The following WDR75 variants were observed in gnomAD, a reference collection of about 807,000 sequenced individuals.
WDR75 encodes the protein WD repeat-containing protein 75.
A neutral mutation model predicts 106.1 loss-of-function variants in WDR75; 52 were observed. The ratio of observed to expected loss-of-function variants is 0.49; its 90% CI spans 0.39 to 0.62. The LOEUF is 0.62. Ranked by LOEUF, WDR75 falls within the 20% of genes least tolerant of loss-of-function variation. The probability of loss-of-function intolerance (pLI) is 0.00; values close to 1 mark genes in which losing one functional copy is unlikely to be tolerated. For missense variants in WDR75, 905 were observed against 970.3 expected (o/e 0.93, Z 0.89); for synonymous variants, 333 against 335.5 (o/e 0.99, Z 0.08).
intron 12 of WDR75, among the ~76,000 whole-genome samples, chr2:189,466,218 A>G (rs1227236389): frequency 6.6e-6 from 1 of 152,106 alleles, no homozygotes; most frequent in African/African-American, 2.4e-5. Flanking sequence ...ATGTTCTCTA[A>G]AGTCACACAA....
intron 11 of WDR75, among the ~76,000 whole-genome samples, chr2:189,464,476 T>G (rs1403808255): frequency 6.6e-6 from 1 of 151,542 alleles, no homozygotes; most frequent in East Asian, 1.9e-4. Context: ...TTTCTCACCG[T>G]GGCCTTTAGA....
At chr2:189,465,919 A>T (rs1686989087) in intron 12 of WDR75, among the ~76,000 whole-genome samples, 1 of 152,146 alleles carries the variant, frequency 6.6e-6, no homozygotes, top group South Asian at 2.1e-4. Flanking sequence ...TTTCATTCAC[A>T]GCGTTGCCCT....
At chr2:189,468,367 C>T in intron 14 of WDR75, 108 bp from the exon 15 acceptor site, 1 of 899,480 alleles carries the variant, frequency 1.1e-6, no homozygotes, top group Non-Finnish European at 1.7e-6. Flanking sequence ...ATATATATGT[C>T]TATATAAAAA....
At chr2:189,447,013 C>G (rs1404558907) in intron 1 of WDR75, among the ~76,000 whole-genome samples, 1 of 152,148 alleles carries the variant, frequency 6.6e-6, no homozygotes, top group Non-Finnish European at 1.5e-5. Context: ...AGGAATGATT[C>G]ATGTCTCAGG....
rs374057577 is a variant in WDR75, at chr2:189,461,065, T to G, written c.779-1419T>G. 9.5e-4 allele frequency among the ~76,000 whole-genome samples: 145 copies of G among 152,338 alleles called. 2 individuals are homozygous for G. Among genetic ancestry groups the G allele is most frequent in the African/African-American group, 3.2e-3 (131 of 41,566 alleles). On this transcript the variant is annotated intron_variant, in intron 8 of 20. Transcript: ENST00000314761. ...TATATATCAGATTAAACTTCTTAAT[T>G]TTGTTTGTGTACATCACAACTACAT...
intron 10 of WDR75, 32 bp downstream of exon 10, chr2:189,463,785 G>C: frequency 6.2e-7 from 1 of 1,613,592 alleles, no homozygotes; most frequent in East Asian, 2.2e-5. Flanking sequence ...TTGGAATCAT[G>C]AACATTTTAA....
At chr2:189,446,600 A>G (rs892014387) in intron 1 of WDR75, among the ~76,000 whole-genome samples, 1 of 152,226 alleles carries the variant, frequency 6.6e-6, no homozygotes, top group Non-Finnish European at 1.5e-5. Flanking sequence ...TCTTGAACTA[A>G]TAAAATAGGA....
intron 6 of WDR75, among the ~76,000 whole-genome samples, chr2:189,458,477 T>C (rs1409448087): frequency 1.3e-5 from 2 of 152,192 alleles, no homozygotes; most frequent in African/African-American, 4.8e-5. Context: ...ATCACTAAAA[T>C]CTTTACTTAA....
chr2:189,446,146 G>A (rs1686495423), intron 1 of WDR75, among the ~76,000 whole-genome samples: 1 of 152,208 alleles, frequency 6.6e-6, no homozygotes, highest in Non-Finnish European at 1.5e-5. Flanking sequence ...TTTTAATAGA[G>A]CACAGTGTTA....
chr2:189,445,652 T>A (rs1456823535), intron 1 of WDR75, among the ~76,000 whole-genome samples: 1 of 152,170 alleles, frequency 6.6e-6, no homozygotes, highest in Non-Finnish European at 1.5e-5. Flanking sequence ...TCCAAATAAA[T>A]TATGTAGTCA....
At chr2:189,448,670 A>G (rs6738193) in intron 2 of WDR75, 162 bp downstream of exon 2, 722,163 of 835,436 alleles carry the variant, frequency 0.86, 315,920 homozygotes, top group Non-Finnish European at 0.91. Context: ...TGCCTATAGC[A>G]TATTCTGTGA....
Position 189,470,148 on chromosome 2 carries a change from G to A in WDR75, c.1892G>A (p.Trp631Ter), listed in dbSNP as rs1422435402. Residue 631 changes from tryptophan (W) to a stop codon, truncating the protein, a stop_gained, in exon 17 of 21, where the codon TGG becomes TAG. Coordinates refer to ENST00000314761, the MANE Select transcript of WDR75 (RefSeq NM_032168.3). LOFTEE classifies it high-confidence loss of function. The stretch of plus-strand genomic sequence containing the variant: ...GGTATCTCCAGAGAGAAAGTCCAGT[G>A]GGGAGTGTTTGTTCCACGAGATGTC... Reference protein sequence around the residue: ...QKGISREKVQWGVFVPRDVPE... With the variant: ...QKGISREKVQ 1.2e-6 allele frequency: 2 copies of A among 1,613,498 alleles called. No individual in the cohort carries two copies. Among genetic ancestry groups the A allele is most frequent in the African/African-American group, 2.7e-5 (2 of 74,872 alleles).
Position 189,466,569 on chromosome 2 carries a change from C to T in WDR75, c.1434C>T (p.Asp478=). 6.2e-7 allele frequency: 1 copy of T among 1,611,548 alleles called. No individual in the cohort carries two copies. The highest frequency in any genetic ancestry group is 8.5e-7 in the Non-Finnish European group (1 of 1,178,774). Residue 478 remains aspartate, a synonymous_variant, in exon 13 of 21, where the codon GAC becomes GAT. Transcript: ENST00000314761. Reference sequence around the variant, plus strand: ...TCAAAGTATGGATATTAACAGATGACTCTGACATATACAGTAAGTTATTAA... The same window carrying T: ...TCAAAGTATGGATATTAACAGATGATTCTGACATATACAGTAAGTTATTAA... ...GYFKVWILTD[D]SDIYKKAVGW...
chr2:189,460,511 T>C (rs1462763956), intron 8 of WDR75, among the ~76,000 whole-genome samples: 1 of 130,754 alleles, frequency 7.6e-6, no homozygotes, highest in Non-Finnish European at 1.6e-5. Context: ...CAGGCAGGGG[T>C]TTTTTTTTTT....
In WDR75 at chr2:189,470,069, C is replaced by T. The variant is rs1356677560; in HGVS notation, c.1820-7C>T. The T allele has an allele frequency of 1.9e-6, 3 of 1,605,852 alleles. No individual in the cohort carries two copies. Among genetic ancestry groups the T allele is most frequent in the Admixed American group, 3.4e-5 (2 of 58,516 alleles). ...AATGTTATTGTTTCTTTGTTTTTTC[C>T]CTCTAGTGTTTGTATTTAAACCTAG... On this transcript the variant is annotated splice_polypyrimidine_tract_variant and splice_region_variant and intron_variant, in intron 16 of 20. Coordinates refer to ENST00000314761, the MANE Select transcript of WDR75 (RefSeq NM_032168.3).
Position 189,465,323 on chromosome 2 carries a change from A to G in WDR75, c.1289+69A>G, listed in dbSNP as rs78713882. 4,512 of 1,451,546 alleles carry G rather than the reference A, an allele frequency of 3.1e-3. 12 individuals are homozygous for G. Among genetic ancestry groups the G allele is most frequent in the South Asian group, 6.9e-3 (472 of 67,966 alleles). The allele number at this position is 1,451,546 out of a possible 1,614,324, so 89.9% of individuals were successfully genotyped here. A position where few individuals can be genotyped will look rare whatever the true frequency, so the allele number is the denominator to read the frequency against. On this transcript the variant is annotated intron_variant, in intron 12 of 20. Transcript: ENST00000314761. ...TTTCACTTCCCATTTTACAGTTTCA[A>G]TTGTCTTTAAGATGTTTCATCTTGA...
At chr2:189,471,576 C>T (rs1373000824) in intron 18 of WDR75, among the ~76,000 whole-genome samples, 1 of 152,152 alleles carries the variant, frequency 6.6e-6, no homozygotes, top group Non-Finnish European at 1.5e-5. Flanking sequence ...CCAAATTCTG[C>T]TCAAGTTGTG....
intron 8 of WDR75, 71 bp from the exon 9 acceptor site, chr2:189,462,413 G>T: frequency 6.4e-7 from 1 of 1,551,282 alleles, no homozygotes; most frequent in Non-Finnish European, 8.8e-7. Context: ...AAACAAAAGT[G>T]TTAATTATAT....
intron 1 of WDR75, among the ~76,000 whole-genome samples, chr2:189,442,373 C>CA (rs765211531): frequency 1.3e-4 from 19 of 142,866 alleles, no homozygotes; most frequent in Admixed American, 1.1e-3. Context: ...TTAATAAAAT[C>CA]AAAAAACCCT....
Sources: gnomAD v4.1 joint callset for allele counts (sites outside exome capture counted in the v4.1 genomes callset) on GRCh38, gnomAD v4.1.1 for gene constraint, MANE v1.5 for transcripts, NCBI Gene and HGNC (gene_info 2026-07-23, HGNC 2026-07-21) for gene names.